The following MESD variants were observed in gnomAD, a reference collection of about 807,000 sequenced individuals.
MESD encodes mesoderm development LRP chaperone, also known as LRP chaperone MESD.
In MESD, 7 loss-of-function variants were observed where a neutral mutation model predicts 12.9. The observed-to-expected ratio is 0.54, with a 90% CI of 0.31 to 1.02. The LOEUF is 1.02. Ranked by LOEUF, MESD falls within the 50% of genes least tolerant of loss-of-function variation. The pLI, the probability that MESD is intolerant of heterozygous loss-of-function variation, is 0.05. For synonymous variants in MESD, 126 were observed against 115.6 expected (o/e 1.09, Z -0.58); for missense variants, 342 against 296.7 (o/e 1.15, Z -1.12).
At chr15:80,987,370 A>C (rs1247356479) in intron 1 of MESD, among the ~76,000 whole-genome samples, 2 of 152,216 alleles carry the variant, frequency 1.3e-5, no homozygotes, top group Non-Finnish European at 2.9e-5. Flanking sequence ...TAGAGCGTCT[A>C]CAAACATTAA....
At chr15:80,987,677 T>TG (rs1567127835) in intron 1 of MESD, among the ~76,000 whole-genome samples, 1 of 152,096 alleles carries the variant, frequency 6.6e-6, no homozygotes, top group Non-Finnish European at 1.5e-5. Flanking sequence ...TTAGTAGAGA[T>TG]GGAGTTTCAC....
At chr15:80,988,888 T>TA (rs11419364) in intron 1 of MESD, among the ~76,000 whole-genome samples, 47,846 of 152,048 alleles carry the variant, frequency 0.31, 10,473 homozygotes, top group African/African-American at 0.63. Context: ...ATCTTTACCT[T>TA]AAAGCGTATT....
intron 2 of MESD, among the ~76,000 whole-genome samples, chr15:80,980,230 G>A (rs139747374): frequency 6.6e-6 from 1 of 152,090 alleles, no homozygotes; most frequent in African/African-American, 2.4e-5. Flanking sequence ...GTCTATTTAA[G>A]CTAATTGAAA....
At chr15:80,966,650 T>C (rs1902180802) in intron 3 of MESD, among the ~76,000 whole-genome samples, 1 of 152,202 alleles carries the variant, frequency 6.6e-6, no homozygotes, top group Non-Finnish European at 1.5e-5. Context: ...CCTGCTCAAA[T>C]CTCAGCTTAG....
intron 3 of MESD, among the ~76,000 whole-genome samples, chr15:80,961,630 G>C (rs908040483): frequency 5.3e-5 from 8 of 152,180 alleles, no homozygotes; most frequent in African/African-American, 1.9e-4. Context: ...TAAAGAAAGA[G>C]CTACAGAAAT....
At chr15:80,975,091 C>T (rs28395240), downstream of MESD, among the ~76,000 whole-genome samples, 1 of 151,564 alleles carries the variant, frequency 6.6e-6, no homozygotes, top group Non-Finnish European at 1.5e-5. Context: ...GTAAGAAGAG[C>T]TGAAAGGTAG....
chr15:80,957,867 C>G (rs903698348), intron 3 of MESD, among the ~76,000 whole-genome samples: 1 of 151,346 alleles, frequency 6.6e-6, no homozygotes, highest in Non-Finnish European at 1.5e-5. Flanking sequence ...TTGGATGAAG[C>G]GCCACCCACC....
chr15:80,979,126 T>C lies in MESD; in HGVS notation c.*93A>G. 6.7e-7 allele frequency: 1 copy of C among 1,489,194 alleles called. No homozygotes were observed. The highest frequency in any genetic ancestry group is 9.0e-7 in the Non-Finnish European group (1 of 1,105,560). 92.2% of individuals were successfully genotyped at this position (1,489,194 alleles called of 1,614,324 possible). A position where few individuals can be genotyped will look rare whatever the true frequency, so the allele number is the denominator to read the frequency against. On this transcript the variant is annotated 3_prime_UTR_variant, in exon 3 of 3. Coordinates refer to ENST00000261758, the MANE Select transcript of MESD (RefSeq NM_015154.3). ...TAGAAGACACTAGAATGTCATCCGG[T>C]GTGCAGTTGCCTGAGACCACTCCCA...
At chr15:80,963,058 G>T (rs1277965451) in intron 3 of MESD, among the ~76,000 whole-genome samples, 1 of 152,056 alleles carries the variant, frequency 6.6e-6, no homozygotes, top group African/African-American at 2.4e-5. Flanking sequence ...CTGGGTTTTT[G>T]AAAAGATCAA....
intron 3 of MESD, among the ~76,000 whole-genome samples, chr15:80,952,473 C>CT (rs1350228603): frequency 3.9e-5 from 6 of 152,282 alleles, no homozygotes; most frequent in African/African-American, 1.4e-4. Context: ...TTTTCAAGTG[C>CT]TCAATGGCTA....
At chr15:80,972,761 G>A (rs1393896939), downstream of MESD, among the ~76,000 whole-genome samples, 3 of 152,218 alleles carry the variant, frequency 2.0e-5, no homozygotes, top group South Asian at 2.1e-4. Context: ...AGTGGCTCAC[G>A]CCTGTAATCC....
At chr15:80,963,930 C>T (rs571346765) in intron 3 of MESD, among the ~76,000 whole-genome samples, 2 of 152,302 alleles carry the variant, frequency 1.3e-5, no homozygotes, top group East Asian at 3.9e-4. Context: ...GACAAGGATG[C>T]CCTCTTTCAC....
intron 2 of MESD, among the ~76,000 whole-genome samples, chr15:80,979,774 G>A (rs1567125472): frequency 6.6e-6 from 1 of 152,232 alleles, no homozygotes; most frequent in Non-Finnish European, 1.5e-5. Flanking sequence ...GGACACTGCA[G>A]AGGTGGCTCA....
chr15:80,979,369 CAG>C lies in MESD; in HGVS notation c.553_554del (p.Leu185GlyfsTer17). On this transcript the variant is annotated frameshift_variant, in exon 3 of 3. Transcript: ENST00000261758. LOFTEE classifies it low-confidence loss of function (END_TRUNC). ...VGQDRCADVT[L>X]EGQVYPGKGG... ...CTTTGCCGGGGTACACCTGGCCCTC[CAG>C]AGTTACATCAGCACACCTGTCTTGA... The C allele has an allele frequency of 6.2e-7, 1 of 1,614,176 alleles. No individual in the cohort carries two copies. The highest frequency in any genetic ancestry group is 8.5e-7 in the Non-Finnish European group (1 of 1,180,032).
rs1902493756 is a variant in MESD, at chr15:80,978,897, G to T, written c.*322C>A. 5.6e-6 allele frequency: 2 copies of T among 360,256 alleles called. No homozygotes were observed. The allele number at this position is 360,256 out of a possible 1,614,324, so 22.3% of individuals were successfully genotyped here. On this transcript the variant is annotated 3_prime_UTR_variant, in exon 3 of 3. Coordinates refer to ENST00000261758, the MANE Select transcript of MESD (RefSeq NM_015154.3). ...CACCCAATCACAGCAGGTGCTTGGA[G>T]GGGAGTGGAATCTCAGTAGAGTTGA... is the stretch of plus-strand genomic sequence containing the variant.
At chr15:80,966,065 A>G (rs1319577486) in intron 3 of MESD, among the ~76,000 whole-genome samples, 2 of 152,254 alleles carry the variant, frequency 1.3e-5, no homozygotes, top group Admixed American at 1.3e-4. Flanking sequence ...GAACTGGGTG[A>G]CAAGGAATGG....
chr15:80,985,639 CTTTTTT>C (rs11425497), intron 1 of MESD, among the ~76,000 whole-genome samples: 8 of 89,046 alleles, frequency 9.0e-5, no homozygotes, highest in African/African-American at 2.3e-4. Context: ...TCCCAAGCAG[CTTTTTT>C]TTTTTTTTTT....
At chr15:80,983,591 A>G in intron 1 of MESD, among the ~76,000 whole-genome samples, 1 of 152,218 alleles carries the variant, frequency 6.6e-6, no homozygotes, top group East Asian at 1.9e-4. Flanking sequence ...ACAGATGAGT[A>G]AACAGATTAA....
exon 4 of MESD, chr15:80,952,004 G>A (rs969883010): frequency 2.9e-6 from 1 of 349,622 alleles, no homozygotes; most frequent in Non-Finnish European, 5.7e-6. Context: ...AGGTGGAGAT[G>A]GTTCAAAGAA....
Sources: allele counts gnomAD v4.1 joint callset (sites outside exome capture counted in the v4.1 genomes callset), GRCh38; gene constraint gnomAD v4.1.1; transcripts MANE v1.5; gene names NCBI Gene and HGNC (gene_info 2026-07-23, HGNC 2026-07-21).